Variants in ABI2 observed in about 807,000 individuals in gnomAD.
ABI2 encodes the protein abelson interactor 2.
Under a neutral mutation model 59.2 loss-of-function variants are expected in ABI2, and 25 were observed. That is an observed-to-expected ratio of 0.42 (90% CI 0.31 to 0.59). The LOEUF (loss-of-function observed/expected upper bound fraction) is 0.59. ABI2 is among the 20% of genes least tolerant of loss of function. The pLI, the probability that ABI2 is intolerant of heterozygous loss-of-function variation, is 0.14. For missense variants in ABI2, 545 were observed against 681.8 expected, an observed-to-expected ratio of 0.80 and a Z score of 2.23; for synonymous variants, 213 against 235.5, an observed-to-expected ratio of 0.90 and a Z score of 0.87.
intron 2 of ABI2, among the ~76,000 whole-genome samples, chr2:203,372,076 C>G (rs2095262449): frequency 6.6e-6 from 1 of 151,858 alleles, no homozygotes; most frequent in Non-Finnish European, 1.5e-5. Context: ...GACCCTGCGG[C>G]CTTCCGCAGT....
rs1391802472 is a variant in ABI2 at position 203,402,717 on chromosome 2, T to G, written c.1175T>G (p.Phe392Cys). The change falls in exon 9 of 12, where the codon TTT (phenylalanine) becomes TGT (cysteine). Residue 392 changes from phenylalanine (F) to cysteine (C), a missense_variant. Physicochemically the swap from Phe to Cys is radical, Grantham distance 205 (BLOSUM62 -2). This residue lies in a region of ABI2 where 410 missense variants were observed against 435.6 expected (regional missense o/e 0.94). Coordinates refer to ENST00000261018, the MANE Select transcript of ABI2 (RefSeq NM_001375670.1). The stretch of plus-strand genomic sequence containing the variant: ...CAGAATCAGATGAATGGAGGACCTT[T>G]TTATAGCCAGAATCCAGGTTAGTTT... The part of the protein sequence containing the change: ...SLQNQMNGGP[F>C]YSQNPVSLAP... The G allele has an allele frequency of 6.3e-7, 1 of 1,592,108 alleles. No individual in the cohort carries two copies.
chr2:203,386,336 G>C (rs916843861), intron 4 of ABI2, among the ~76,000 whole-genome samples: 2 of 150,970 alleles, frequency 1.3e-5, no homozygotes, highest in African/African-American at 2.4e-5. Context: ...GCTCAGGCCA[G>C]AGTTCAGTGG....
At chr2:203,364,167 C>T (rs1027675552) in intron 1 of ABI2, among the ~76,000 whole-genome samples, 1 of 151,086 alleles carries the variant, frequency 6.6e-6, no homozygotes, top group African/African-American at 2.4e-5. Context: ...GATCTTGGCT[C>T]ACTGCAACCC....
chr2:203,342,530 ATTCC>A (rs1173226133), intron 1 of ABI2, among the ~76,000 whole-genome samples: 2 of 151,542 alleles, frequency 1.3e-5, no homozygotes, highest in African/African-American at 4.8e-5. Flanking sequence ...TTAAATAGTG[ATTCC>A]ATGTCTCCCT....
intron 1 of ABI2, among the ~76,000 whole-genome samples, chr2:203,342,612 C>T (rs1231682604): frequency 6.8e-6 from 1 of 146,388 alleles, no homozygotes; most frequent in East Asian, 2.0e-4. Context: ...CAAGGTCTCA[C>T]TCTGTCATCC....
chr2:203,415,191 T>G (rs2044946), intron 10 of ABI2, among the ~76,000 whole-genome samples: 5,730 of 152,274 alleles, frequency 0.038, 193 homozygotes, highest in East Asian at 0.092. Flanking sequence ...TGAAAGACAT[T>G]CTATTTAATG....
chr2:203,420,110 G>A (rs2098132140), intron 11 of ABI2, among the ~76,000 whole-genome samples: 1 of 152,156 alleles, frequency 6.6e-6, no homozygotes, highest in Non-Finnish European at 1.5e-5. Context: ...GTTAGAATTG[G>A]GATTTGACTG....
chr2:203,332,936 T>C (rs916742991), intron 1 of ABI2, among the ~76,000 whole-genome samples: 1 of 152,186 alleles, frequency 6.6e-6, no homozygotes, highest in African/African-American at 2.4e-5. Flanking sequence ...TCCCATAATA[T>C]GGATTTATTC....
At chr2:203,405,277 T>C (rs2097375638) in intron 9 of ABI2, among the ~76,000 whole-genome samples, 1 of 152,380 alleles carries the variant, frequency 6.6e-6, no homozygotes, top group South Asian at 2.1e-4. Flanking sequence ...TTTTGTAAAC[T>C]AATTTTTTTT....
At chr2:203,382,848 T>G (rs1392311774) in intron 4 of ABI2, among the ~76,000 whole-genome samples, 1 of 152,138 alleles carries the variant, frequency 6.6e-6, no homozygotes, top group East Asian at 1.9e-4. Flanking sequence ...CTGTAAGAGC[T>G]TTTAAAGGTG....
chr2:203,395,484 C>CACACACACAT (rs1179738856), intron 6 of ABI2, among the ~76,000 whole-genome samples, 172 bp from the exon 7 acceptor site: 1 of 148,108 alleles, frequency 6.8e-6, no homozygotes, highest in African/African-American at 2.5e-5. Context: ...CACACACACA[C>CACACACACAT]ATTTTTTTTT....
At chr2:203,382,980 G>T (rs2096235787) in intron 4 of ABI2, among the ~76,000 whole-genome samples, 1 of 152,100 alleles carries the variant, frequency 6.6e-6, no homozygotes, top group African/African-American at 2.4e-5. Flanking sequence ...TGGAGGATTC[G>T]TGATAAAAGA....
chr2:203,397,037 TTTTG>T (rs2097027361), intron 8 of ABI2, 70 bp downstream of exon 8: 11 of 1,294,430 alleles, frequency 8.5e-6, no homozygotes, highest in East Asian at 3.0e-5. Context: ...CACCTCTGAT[TTTTG>T]TTTGTTTTTG....
At chr2:203,421,140 G>A (rs1265070490) in intron 11 of ABI2, among the ~76,000 whole-genome samples, 1 of 152,166 alleles carries the variant, frequency 6.6e-6, no homozygotes. Context: ...ATCTACTTAT[G>A]TAACTTTTTT....
intron 2 of ABI2, among the ~76,000 whole-genome samples, chr2:203,367,934 G>A (rs2094625925): frequency 1.3e-5 from 2 of 151,946 alleles, no homozygotes; most frequent in South Asian, 2.1e-4. Context: ...AGCATGCGGA[G>A]GTCTAGACTA....
chr2:203,360,504 C>T (rs1279939888), intron 1 of ABI2, among the ~76,000 whole-genome samples: 3 of 152,052 alleles, frequency 2.0e-5, no homozygotes, highest in African/African-American at 4.8e-5. Context: ...GCACTGTAAA[C>T]ATGAGGTAAG....
intron 10 of ABI2, among the ~76,000 whole-genome samples, chr2:203,416,447 G>T (rs932470539): frequency 6.6e-6 from 1 of 151,902 alleles, no homozygotes; most frequent in Admixed American, 6.6e-5. Context: ...GGGCGCCCAC[G>T]ACCATGTGCG....
rs2153413833 is a variant in ABI2 at position 203,396,986 on chromosome 2, A to G, written c.1033+19A>G. On this transcript the variant is annotated intron_variant, in intron 8 of 11. Transcript: ENST00000261018. ...CCTACAGGTAAGTATTTGCTTATTCATTGGCAGGCAGATGCAGTCATCTGG... is the reference window on the plus strand; with the variant it reads ...CCTACAGGTAAGTATTTGCTTATTCGTTGGCAGGCAGATGCAGTCATCTGG... The G allele has an allele frequency of 2.1e-6, 3 of 1,402,824 alleles. No individual in the cohort carries two copies. The highest frequency in any genetic ancestry group is 1.9e-6 in the Non-Finnish European group (2 of 1,078,800). The allele number at this position is 1,402,824 out of a possible 1,614,324, so 86.9% of individuals were successfully genotyped here. A position where few individuals can be genotyped will look rare whatever the true frequency, so the allele number is the denominator to read the frequency against.
chr2:203,334,468 G>A (rs1200984547), intron 1 of ABI2, among the ~76,000 whole-genome samples: 1 of 152,090 alleles, frequency 6.6e-6, no homozygotes, highest in African/African-American at 2.4e-5. Context: ...GGGTGTGTAA[G>A]GTAATCTTTT....
Sources: gnomAD v4.1 joint callset for allele counts (sites outside exome capture counted in the v4.1 genomes callset) on GRCh38, gnomAD v4.1.1 for gene constraint, gnomAD v4.1.1 regional missense constraint, MANE v1.5 for transcripts, NCBI Gene and HGNC (gene_info 2026-07-23, HGNC 2026-07-21) for gene names.